FARP2: variants seen among roughly 807,000 people sequenced by gnomAD.
FARP2 encodes the protein FERM, ARHGEF and pleckstrin domain-containing protein 2.
In FARP2, 111 loss-of-function variants were observed where a neutral mutation model predicts 130.5. The ratio of observed to expected loss-of-function variants is 0.85; its 90% CI spans 0.73 to 1.00. The LOEUF is 1.00. Ranked by LOEUF, FARP2 falls within the 50% of genes least tolerant of loss-of-function variation. FARP2 has a pLI of 0.00. For missense variants in FARP2, 1,385 were observed against 1,346.3 expected (o/e 1.03, Z -0.45); for synonymous variants, 504 against 516.9 (o/e 0.98, Z 0.34).
In FARP2 at chr2:241,429,656, G is replaced by A. The variant is rs115882286; in HGVS notation, c.772-2023G>A. ...TATAGTCCCAACAGAGGCTGAAGCA[G>A]GAGGATCACTTGAGGCCAGGTGTTT... is the stretch of plus-strand genomic sequence containing the variant. On this transcript the variant is annotated intron_variant, in intron 8 of 26. Coordinates refer to ENST00000264042, the MANE Select transcript of FARP2 (RefSeq NM_014808.4). 5.3e-3 allele frequency among the ~76,000 whole-genome samples: 808 copies of A among 152,202 alleles called. 12 individuals are homozygous for A. The highest frequency in any genetic ancestry group is 0.018 in the African/African-American group (755 of 41,536).
intron 8 of FARP2, among the ~76,000 whole-genome samples, chr2:241,420,717 G>T (rs901714546): frequency 7.2e-5 from 11 of 152,150 alleles, no homozygotes; most frequent in African/African-American, 2.7e-4. Context: ...AGTTGTGCTG[G>T]CACATGCTCT....
At chr2:241,410,845 TGGTGA>T (rs2062499122) in intron 5 of FARP2, 183 bp from the exon 6 acceptor site, 8 of 560,910 alleles carry the variant, frequency 1.4e-5, no homozygotes, top group Admixed American at 5.9e-5. Flanking sequence ...GACCTTCACT[TGGTGA>T]CTGTTTGTTT....
chr2:241,468,310 C>T lies in FARP2; in HGVS notation c.2064C>T (p.Tyr688=). ...LLKPIQRLLH[Y]RLLLRRLCGH... Reference sequence around the variant, plus strand: ...AGCCCATCCAGCGGCTGCTGCACTACCGCCTGCTGCTGCGCCGCCTATGCG... The same window carrying T: ...AGCCCATCCAGCGGCTGCTGCACTATCGCCTGCTGCTGCGCCGCCTATGCG... The change falls in exon 18 of 27, where the codon TAC becomes TAT. Residue 688 remains tyrosine (Y), a synonymous_variant. Coordinates refer to ENST00000264042, the MANE Select transcript of FARP2 (RefSeq NM_014808.4). The T allele has an allele frequency of 6.2e-7, 1 of 1,613,496 alleles. No individual in the cohort carries two copies. The highest frequency in any genetic ancestry group is 8.5e-7 in the Non-Finnish European group (1 of 1,180,030).
intron 1 of FARP2, among the ~76,000 whole-genome samples, chr2:241,363,103 T>A (rs903964113): frequency 2.6e-5 from 4 of 152,214 alleles, no homozygotes; most frequent in Non-Finnish European, 4.4e-5. Context: ...GCACCAGTAG[T>A]GAGTTTCTTG....
chr2:241,410,449 G>A (rs1266847821), intron 5 of FARP2, among the ~76,000 whole-genome samples: 6 of 122,444 alleles, frequency 4.9e-5, no homozygotes, highest in Non-Finnish European at 1.7e-5. Flanking sequence ...TTTTTTTTTC[G>A]AGACAGAGTT....
chr2:241,481,753 T>G (rs1194466721), intron 19 of FARP2, among the ~76,000 whole-genome samples: 1 of 152,200 alleles, frequency 6.6e-6, no homozygotes, highest in Non-Finnish European at 1.5e-5. Flanking sequence ...CCCAGGGAAC[T>G]GTCAATGAAA....
intron 2 of FARP2, among the ~76,000 whole-genome samples, chr2:241,391,855 C>T (rs186386417): frequency 1.4e-3 from 207 of 152,204 alleles, no homozygotes; most frequent in Non-Finnish European, 2.5e-3. Flanking sequence ...TTGAATCGTT[C>T]AAGGGCCAGT....
rs527825929 is a variant in FARP2, at chr2:241,433,235, A to C, written c.868-923A>C. 2.6e-5 allele frequency among the ~76,000 whole-genome samples: 4 copies of C among 152,366 alleles called. No individual in the cohort carries two copies. The South Asian group carries it at 8.3e-4, about 32-fold the overall frequency. ...TAAGTCAAAGCCCAGAACTGTTTGC[A>C]TCTGCACTTAGCAAAGTTACATTTT... On this transcript the variant is annotated intron_variant, in intron 9 of 26. Transcript: ENST00000264042.
intron 1 of FARP2, 24 bp from the exon 2 acceptor site, chr2:241,373,060 T>G: frequency 9.1e-7 from 1 of 1,104,022 alleles, no homozygotes; most frequent in Non-Finnish European, 1.2e-6. Context: ...TTCCTTCATG[T>G]GGTTTTTTTT....
chr2:241,449,784 G>A (rs2063602315), intron 13 of FARP2, among the ~76,000 whole-genome samples: 1 of 152,074 alleles, frequency 6.6e-6, no homozygotes, highest in African/African-American at 2.4e-5. Context: ...GGATCACAAG[G>A]TCAGGAGTTC....
chr2:241,463,261 C>T (rs878861400), intron 15 of FARP2, 74 bp from the exon 16 acceptor site: 15 of 1,539,166 alleles, frequency 9.7e-6, no homozygotes, highest in Admixed American at 1.8e-5. Flanking sequence ...CCTATGGCTA[C>T]AGGCCCTCAG....
chr2:241,488,973 G>C (rs1228180723), intron 21 of FARP2: 1 of 152,160 alleles, frequency 6.6e-6, no homozygotes, highest in Admixed American at 6.5e-5. Flanking sequence ...CTATTCTCAA[G>C]CATTTAATTC....
intron 2 of FARP2, chr2:241,387,272 A>G (rs1202967019): frequency 6.6e-6 from 1 of 152,256 alleles, no homozygotes; most frequent in Non-Finnish European, 1.5e-5. Flanking sequence ...AGGGAGGAGA[A>G]AAGAAAGGAA....
chr2:241,454,092 C>T (rs1170917852), intron 13 of FARP2, among the ~76,000 whole-genome samples: 1 of 151,980 alleles, frequency 6.6e-6, no homozygotes, highest in East Asian at 1.9e-4. Context: ...CCAGGAGTGG[C>T]CCTTTCTAAT....
At chr2:241,460,298 T>C (rs2063980370) in intron 14 of FARP2, among the ~76,000 whole-genome samples, 1 of 152,104 alleles carries the variant, frequency 6.6e-6, no homozygotes, top group Admixed American at 6.5e-5. Context: ...CTTCTTTTTT[T>C]AGAGATGGGG....
At chr2:241,393,762 C>T (rs1297093118) in intron 2 of FARP2, among the ~76,000 whole-genome samples, 1 of 152,162 alleles carries the variant, frequency 6.6e-6, no homozygotes, top group East Asian at 1.9e-4. Context: ...CTTTGTCGCC[C>T]ATTTTCATCT....
At chr2:241,428,970 G>A (rs2063026388) in intron 8 of FARP2, among the ~76,000 whole-genome samples, 1 of 152,180 alleles carries the variant, frequency 6.6e-6, no homozygotes, top group Non-Finnish European at 1.5e-5. Context: ...GCATGTATCA[G>A]TGTTTTACTC....
At chr2:241,439,539 C>G (rs917374504) in intron 12 of FARP2, among the ~76,000 whole-genome samples, 4 of 152,096 alleles carry the variant, frequency 2.6e-5, no homozygotes, top group Non-Finnish European at 5.9e-5. Flanking sequence ...CCGTGTTAGC[C>G]AGGATGGTCT....
At chr2:241,465,897 C>G (rs2064156665) in intron 17 of FARP2, 1 of 1,450,114 alleles carries the variant, frequency 6.9e-7, no homozygotes, top group Non-Finnish European at 9.1e-7. Context: ...ACTTGAAGAA[C>G]TGCATTCAGC....
Sources: allele counts gnomAD v4.1 joint callset (sites outside exome capture counted in the v4.1 genomes callset), GRCh38; gene constraint gnomAD v4.1.1; transcripts MANE v1.5; gene names NCBI Gene and HGNC (gene_info 2026-07-23, HGNC 2026-07-21).